Variants in MECOM observed in about 807,000 individuals in gnomAD.
MECOM encodes MDS1 and EVI1 complex locus.
A neutral mutation model predicts 116.3 loss-of-function variants in MECOM; 13 were observed. The observed-to-expected ratio is 0.11, with a 90% CI of 0.07 to 0.18. The LOEUF (loss-of-function observed/expected upper bound fraction) is 0.18, where lower values mean the gene tolerates loss of function less well. MECOM is among the 10% of genes least tolerant of loss of function. MECOM has a pLI of 1.00. For synonymous variants in MECOM, 528 were observed against 535.2 expected, an observed-to-expected ratio of 0.99 and a Z score of 0.19; for missense variants, 1,299 against 1,509.0, an observed-to-expected ratio of 0.86 and a Z score of 2.31.
At chr3:169,530,577 A>C (rs976273967) in intron 1 of MECOM, among the ~76,000 whole-genome samples, 3 of 152,080 alleles carry the variant, frequency 2.0e-5, no homozygotes, top group Non-Finnish European at 4.4e-5. Context: ...CAGGGCTTGG[A>C]TCTAGTCTCT....
At chr3:169,108,986 T>G (rs1268949222) in intron 9 of MECOM, among the ~76,000 whole-genome samples, 2 of 152,110 alleles carry the variant, frequency 1.3e-5, no homozygotes, top group African/African-American at 4.8e-5. Context: ...AAAATAATAT[T>G]AAAAGTATAG....
intron 1 of MECOM, among the ~76,000 whole-genome samples, chr3:169,643,267 A>G (rs1196505104): frequency 6.6e-6 from 1 of 152,222 alleles, no homozygotes; most frequent in East Asian, 1.9e-4. Context: ...ATTAAATTAC[A>G]TCAGTCATCA....
intron 2 of MECOM, among the ~76,000 whole-genome samples, chr3:169,366,430 C>G (rs1212839829): frequency 6.6e-6 from 1 of 151,906 alleles, no homozygotes; most frequent in Non-Finnish European, 1.5e-5. Context: ...GCCAGGTAAC[C>G]TGCTCCTACC....
At chr3:169,086,820 G>A (rs1266937497) in intron 16 of MECOM, among the ~76,000 whole-genome samples, 1 of 152,110 alleles carries the variant, frequency 6.6e-6, no homozygotes, top group Non-Finnish European at 1.5e-5. Flanking sequence ...AAAAATTACA[G>A]AATAAATATA....
rs1165167849 is a variant in MECOM, at chr3:169,507,650, C to CTTTT, written c.38-126130_38-126127dup. Among the ~76,000 whole-genome samples the CTTTT allele has an allele frequency of 1.8e-3, 104 of 57,144 alleles. 17 individuals are homozygous for CTTTT. Among genetic ancestry groups the CTTTT allele is most frequent in the African/African-American group, 8.0e-3 (98 of 12,234 alleles). 37.5% of individuals were successfully genotyped at this position (57,144 alleles called of 152,430 possible). On this transcript the variant is annotated intron_variant, in intron 1 of 16. Transcript: ENST00000651503. ...CAATTTTGGTTTAAATCCCCACTTG[C>CTTTT]TTTTTTTTTTTTTTTTTTTTTTTTT...
chr3:169,368,898 G>A (rs1024799622), intron 2 of MECOM, among the ~76,000 whole-genome samples: 1 of 151,966 alleles, frequency 6.6e-6, no homozygotes, highest in Non-Finnish European at 1.5e-5. Flanking sequence ...ACTCATGAGG[G>A]TTTGTTTTGG....
At chr3:169,495,212 C>T (rs1050398646) in intron 1 of MECOM, among the ~76,000 whole-genome samples, 1 of 152,104 alleles carries the variant, frequency 6.6e-6, no homozygotes, top group African/African-American at 2.4e-5. Context: ...GTATCTTTAA[C>T]CTTCTGTGAA....
chr3:169,131,668 G>C, intron 3 of MECOM, 137 bp from the exon 4 acceptor site: 1 of 749,794 alleles, frequency 1.3e-6, no homozygotes, highest in Non-Finnish European at 2.1e-6. Context: ...TTTATCAAAA[G>C]AAGTGTGATT....
intron 3 of MECOM, among the ~76,000 whole-genome samples, chr3:169,138,971 C>G (rs1362624995): frequency 6.6e-6 from 1 of 152,084 alleles, no homozygotes; most frequent in African/African-American, 2.4e-5. Flanking sequence ...GGAGAGCGAA[C>G]GCGGGGTGCC....
intron 1 of MECOM, among the ~76,000 whole-genome samples, chr3:169,553,951 G>A (rs945979540): frequency 9.2e-5 from 14 of 152,252 alleles, no homozygotes; most frequent in African/African-American, 2.9e-4. Context: ...TGGAGGTTAC[G>A]GCTTCAATAT....
chr3:169,606,424 GAAAA>G (rs1336512043), intron 1 of MECOM, among the ~76,000 whole-genome samples: 13 of 146,176 alleles, frequency 8.9e-5, no homozygotes, highest in Admixed American at 6.2e-4. Context: ...AAAAAAAAAA[GAAAA>G]AGAAATGAAA....
At chr3:169,507,958 C>T (rs183436655) in intron 1 of MECOM, among the ~76,000 whole-genome samples, 98 of 152,236 alleles carry the variant, frequency 6.4e-4, no homozygotes, top group African/African-American at 2.2e-3. Context: ...CCGCGCCCGG[C>T]CCCAACTTGC....
At chr3:169,363,474 T>C (rs1199099783) in intron 2 of MECOM, among the ~76,000 whole-genome samples, 1 of 151,960 alleles carries the variant, frequency 6.6e-6, no homozygotes, top group African/African-American at 2.4e-5. Context: ...GCGCTCTTTC[T>C]GGTGCTGCTT....
At chr3:169,349,542 A>G (rs1681878456) in intron 2 of MECOM, among the ~76,000 whole-genome samples, 2 of 151,906 alleles carry the variant, frequency 1.3e-5, no homozygotes, top group Non-Finnish European at 2.9e-5. Context: ...GTTCTCCAGG[A>G]TGACAACATT....
rs1733427782 is a variant in MECOM at position 169,127,890 on chromosome 3, T to C, written c.784A>G (p.Ile262Val). The C allele has an allele frequency of 1.2e-6, 2 of 1,614,044 alleles. No individual in the cohort carries two copies. The highest frequency in any genetic ancestry group is 1.7e-6 in the Non-Finnish European group (2 of 1,179,928). ...TGGTCACATTCCTTACACTCCTGGA[T>C]CGTGTGTATCTCTTGGAGATCATTC... is the stretch of plus-strand genomic sequence containing the variant. ...SENDLQEIHT[I>V]QECKECDQVF... Residue 262 changes from isoleucine to valine, a missense_variant, in exon 5 of 17, where the codon ATC (isoleucine) becomes GTC (valine). By Grantham distance (29) the Ile-to-Val change is conservative. Transcript: ENST00000651503.
Position 169,378,601 on chromosome 3 carries a change from TG to T in MECOM, c.375+2585del, listed in dbSNP as rs557380555. Among the ~76,000 whole-genome samples, 39 of 141,304 alleles carry T rather than the reference TG, an allele frequency of 2.8e-4. 1 individual carries two copies. The highest frequency in any genetic ancestry group is 4.1e-4 in the Non-Finnish European group (26 of 63,560). The allele number at this position is 141,304 out of a possible 152,430, so 92.7% of individuals were successfully genotyped here. ...AAGAAAGAAAGTAAGTAAGTAAGTT[TG>T]GGGACTTAATACAATATGGAAACCA... On this transcript the variant is annotated intron_variant, in intron 2 of 16. Coordinates refer to ENST00000651503, the MANE Select transcript of MECOM (RefSeq NM_004991.4).
At chr3:169,147,688 G>A (rs992095596) in intron 2 of MECOM, 1 of 984,876 alleles carries the variant, frequency 1.0e-6, no homozygotes, top group Non-Finnish European at 1.2e-6. Flanking sequence ...AATAGCCTCC[G>A]TTTCGATGTC....
At chr3:169,531,531 G>GA (rs1758626635) in intron 1 of MECOM, among the ~76,000 whole-genome samples, 1 of 152,184 alleles carries the variant, frequency 6.6e-6, no homozygotes, top group Admixed American at 6.5e-5. Flanking sequence ...GAAAAATATT[G>GA]AACCTCAGCG....
At chr3:169,564,440 T>C (rs2109390033) in intron 1 of MECOM, among the ~76,000 whole-genome samples, 1 of 152,294 alleles carries the variant, frequency 6.6e-6, no homozygotes, top group Admixed American at 6.5e-5. Context: ...GGATGTAAAA[T>C]ACAAATAATC....
Sources: gnomAD v4.1 joint callset for allele counts (sites outside exome capture counted in the v4.1 genomes callset) on GRCh38, gnomAD v4.1.1 for gene constraint, MANE v1.5 for transcripts, NCBI Gene and HGNC (gene_info 2026-07-23, HGNC 2026-07-21) for gene names.